The following NUDT5 variants were observed in gnomAD, a reference collection of about 807,000 sequenced individuals.
NUDT5 encodes the protein nudix hydrolase 5.
Under a neutral mutation model 34.1 loss-of-function variants are expected in NUDT5, and 21 were observed. The observed-to-expected ratio is 0.62, with a 90% CI of 0.44 to 0.89. NUDT5 has a LOEUF of 0.89. NUDT5 is among the 40% of genes least tolerant of loss of function. NUDT5 has a pLI of 0.00. For synonymous variants in NUDT5, 85 were observed against 97.6 expected (o/e 0.87, Z 0.76); for missense variants, 249 against 274.8 (o/e 0.91, Z 0.66).
chr10:12,195,211 C>T (rs1835313064), intron 1 of NUDT5, among the ~76,000 whole-genome samples: 2 of 152,088 alleles, frequency 1.3e-5, no homozygotes, highest in Admixed American at 1.3e-4. Context: ...ACGAAACAAA[C>T]AAAACTGAAC....
chr10:12,165,413 T>C lies in NUDT5; in HGVS notation c.*2289A>G, dbSNP rs1834646618. The C allele has an allele frequency of 1.1e-6, 1 of 935,360 alleles. No individual in the cohort carries two copies. Among genetic ancestry groups the C allele is most frequent in the South Asian group, 4.9e-5 (1 of 20,202 alleles). 57.9% of individuals were successfully genotyped at this position (935,360 alleles called of 1,614,324 possible). A position where few individuals can be genotyped will look rare whatever the true frequency, so the allele number is the denominator to read the frequency against. ...TAAAGAAATCTGATATTAAACGTTT[T>C]CTAAGATCATTTGTATAGGTTCAGT... On this transcript the variant is annotated 3_prime_UTR_variant, in exon 10 of 10. Transcript: ENST00000491614.
At chr10:12,172,665 T>C in intron 7 of NUDT5, 100 bp downstream of exon 7, 1 of 752,732 alleles carries the variant, frequency 1.3e-6, no homozygotes, top group East Asian at 2.6e-5. Flanking sequence ...ACCGATTCTT[T>C]CCATGAAAGA....
intron 3 of NUDT5, among the ~76,000 whole-genome samples, chr10:12,183,577 G>A (rs948939395): frequency 3.3e-5 from 5 of 152,066 alleles, no homozygotes; most frequent in Admixed American, 2.0e-4. Context: ...TTTTTATCAC[G>A]TGATCTGGTT....
intron 2 of NUDT5, among the ~76,000 whole-genome samples, chr10:12,185,555 C>T (rs1469990357): frequency 2.0e-5 from 3 of 152,228 alleles, no homozygotes; most frequent in Non-Finnish European, 2.9e-5. Flanking sequence ...CGGCACTATA[C>T]TGAACTGAGA....
chr10:12,165,614 C>A lies in NUDT5; in HGVS notation c.*2088G>T, dbSNP rs41291293. On this transcript the variant is annotated 3_prime_UTR_variant, in exon 10 of 10. Coordinates refer to ENST00000491614, the MANE Select transcript of NUDT5 (RefSeq NM_014142.4). ...ACAGTGGTCTCAAAACAACAATATC[C>A]CAGTCTCCATTTGAAAGAGCATAGA... The A allele has an allele frequency of 1.8e-3, 274 of 152,624 alleles. 1 individual carries two copies. The highest frequency in any genetic ancestry group is 6.1e-3 in the Admixed American group (93 of 15,280). 9.5% of individuals were successfully genotyped at this position (152,624 alleles called of 1,614,324 possible).
In NUDT5 at chr10:12,171,871, C is replaced by T. The variant is rs973910558; in HGVS notation, c.487+894G>A. 1.3e-5 allele frequency among the ~76,000 whole-genome samples: 2 copies of T among 151,644 alleles called. No individual in the cohort carries two copies. The highest frequency in any genetic ancestry group is 2.4e-5 in the African/African-American group (1 of 41,226). On this transcript the variant is annotated intron_variant, in intron 7 of 9. Transcript: ENST00000491614. The surrounding 1 kb of genome is among the most constrained non-coding windows in gnomAD (Gnocchi z 4.2). ...TCCCGAGTAGCTGGGATTACAGGTG[C>T]GCACCACCATGCCTGGCTAATTTTT... is the stretch of plus-strand genomic sequence containing the variant.
chr10:12,189,639 C>T (rs1213305189), intron 1 of NUDT5, among the ~76,000 whole-genome samples: 3 of 152,118 alleles, frequency 2.0e-5, no homozygotes, highest in Admixed American at 6.5e-5. Context: ...TAGTGCCATT[C>T]GGGGGCCAGT....
At chr10:12,192,230 G>T (rs1055783773) in intron 1 of NUDT5, among the ~76,000 whole-genome samples, 5 of 151,986 alleles carry the variant, frequency 3.3e-5, no homozygotes, top group Non-Finnish European at 7.4e-5. Context: ...CTTGAACGAG[G>T]GAGGTGGAGG....
rs1389127300 is a variant in NUDT5 at position 12,171,304 on chromosome 10, C to T, written c.488-396G>A. On this transcript the variant is annotated intron_variant, in intron 7 of 9. Coordinates refer to ENST00000491614, the MANE Select transcript of NUDT5 (RefSeq NM_014142.4). This position sits in a 1 kb window ranked among gnomAD's most constrained non-coding sequence, Gnocchi z 4.2. ...TGACACCCAACAGAAACTCGGGATCCACTCAACACTAATTCCCCATCCCTA... is the reference window on the plus strand; with the variant it reads ...TGACACCCAACAGAAACTCGGGATCTACTCAACACTAATTCCCCATCCCTA... Among the ~76,000 whole-genome samples, 2 of 152,194 alleles carry T rather than the reference C, an allele frequency of 1.3e-5. No homozygotes were observed. The highest frequency in any genetic ancestry group is 3.8e-4 in the East Asian group (2 of 5,206).
At chr10:12,180,254 C>T (rs1357659591) in intron 3 of NUDT5, 1 of 152,134 alleles carries the variant, frequency 6.6e-6, no homozygotes, top group Non-Finnish European at 1.5e-5. Flanking sequence ...TTCCGAAGGC[C>T]AAATATGTCA....
chr10:12,184,044 TTTG>T (rs1431129600), intron 3 of NUDT5, among the ~76,000 whole-genome samples: 2 of 152,304 alleles, frequency 1.3e-5, no homozygotes, highest in Non-Finnish European at 1.5e-5. Context: ...ATACTTTCTT[TTTG>T]TTGTTGTTGT....
chr10:12,172,659 A>C, intron 7 of NUDT5, 106 bp downstream of exon 7: 1 of 730,462 alleles, frequency 1.4e-6, no homozygotes, highest in Non-Finnish European at 2.4e-6. Flanking sequence ...TGAAAGACCG[A>C]TTCTTTCCAT....
intron 1 of NUDT5, among the ~76,000 whole-genome samples, chr10:12,190,184 A>G (rs7911903): frequency 0.98 from 150,040 of 152,336 alleles, 73,938 homozygotes; most frequent in East Asian, 1. Context: ...TCACCGCGCC[A>G]GCGAGTGTTC....
chr10:12,174,081 T>A (rs1301969261), intron 5 of NUDT5, among the ~76,000 whole-genome samples: 2 of 152,100 alleles, frequency 1.3e-5, no homozygotes, highest in African/African-American at 2.4e-5. Context: ...TTAGCCAGGC[T>A]GGTCTTGAAT....
At position 12,182,254 on chromosome 10, in the gene NUDT5, A is replaced by T. The variant is rs1835054879; in HGVS notation, c.131+2635T>A. On this transcript the variant is annotated intron_variant, in intron 3 of 9. Coordinates refer to ENST00000491614, the MANE Select transcript of NUDT5 (RefSeq NM_014142.4). The surrounding 1 kb of genome is among the most constrained non-coding windows in gnomAD (Gnocchi z 4.3). ...TGACTGCAGCCTGTCACACAGAGTC[A>T]GGTGTGGAATTCTCCAGCTGGGGCA... Among the ~76,000 whole-genome samples, 1 of 152,170 alleles carries T rather than the reference A, an allele frequency of 6.6e-6. No homozygotes were observed. Among genetic ancestry groups the T allele is most frequent in the Non-Finnish European group, 1.5e-5 (1 of 68,026 alleles).
chr10:12,187,915 G>A lies in NUDT5; in HGVS notation c.-41-1583C>T, dbSNP rs968813339. Among the ~76,000 whole-genome samples the A allele has an allele frequency of 2.6e-5, 4 of 151,958 alleles. No individual in the cohort carries two copies. The highest frequency in any genetic ancestry group is 5.9e-5 in the Non-Finnish European group (4 of 67,976). ...CTCACACCTGGAATCCTAGCCCTTT[G>A]GGGGACCAAGAGTCTGAGACCAGCC... On this transcript the variant is annotated intron_variant, in intron 1 of 9. Transcript: ENST00000491614. This position sits in a 1 kb window ranked among gnomAD's most constrained non-coding sequence, Gnocchi z 5.4.
intron 9 of NUDT5, 41 bp from the exon 10 acceptor site, chr10:12,167,852 G>C (rs374405320): frequency 3.1e-6 from 5 of 1,610,018 alleles, no homozygotes; most frequent in Middle Eastern, 1.7e-4. Context: ...ATGCCGTTAA[G>C]GAAGGACAAA....
chr10:12,175,499 G>A lies in NUDT5; in HGVS notation c.290-1686C>T, dbSNP rs1033828724. ...CATCTCTACAAAAAATTTAAAAATC[G>A]AATGCGGTGATGCACGCCTGCAGAC... is the stretch of plus-strand genomic sequence containing the variant. On this transcript the variant is annotated intron_variant, in intron 5 of 9. Transcript: ENST00000491614. This position sits in a 1 kb window ranked among gnomAD's most constrained non-coding sequence, Gnocchi z 4.8. 6.6e-6 allele frequency among the ~76,000 whole-genome samples: 1 copy of A among 150,624 alleles called. No individual in the cohort carries two copies. Among genetic ancestry groups the A allele is most frequent in the Non-Finnish European group, 1.5e-5 (1 of 67,700 alleles).
intron 1 of NUDT5, among the ~76,000 whole-genome samples, chr10:12,188,518 G>A (rs1430643405): frequency 6.6e-6 from 1 of 152,118 alleles, no homozygotes; most frequent in Non-Finnish European, 1.5e-5. Flanking sequence ...GGATCACGAG[G>A]TCAAGAGATG....
Sources: allele counts gnomAD v4.1 joint callset (sites outside exome capture counted in the v4.1 genomes callset), GRCh38; gene constraint gnomAD v4.1.1; non-coding constraint Gnocchi (gnomAD v3.1); transcripts MANE v1.5; gene names NCBI Gene and HGNC (gene_info 2026-07-23, HGNC 2026-07-21).